Variants in POLR3E observed in about 807,000 individuals in gnomAD.
POLR3E encodes the protein DNA-directed RNA polymerase III subunit RPC5.
A neutral mutation model predicts 96.6 loss-of-function variants in POLR3E; 41 were observed. That is an observed-to-expected ratio of 0.42 (90% CI 0.33 to 0.55). The LOEUF (loss-of-function observed/expected upper bound fraction) is 0.55. Ranked by LOEUF, POLR3E falls within the 20% of genes least tolerant of loss-of-function variation. The pLI is 0.06. For missense variants in POLR3E, 849 were observed against 952.1 expected (o/e 0.89, Z 1.43); for synonymous variants, 396 against 383.6 (o/e 1.03, Z -0.38).
chr16:22,312,472 C>T (rs2048266211), intron 6 of POLR3E, among the ~76,000 whole-genome samples: 1 of 152,034 alleles, frequency 6.6e-6, no homozygotes, highest in Non-Finnish European at 1.5e-5. Flanking sequence ...ATATCCTGGG[C>T]AACAGAGTGA....
chr16:22,317,236 G>C (rs756701104), intron 12 of POLR3E, 30 bp downstream of exon 12: 4 of 1,552,776 alleles, frequency 2.6e-6, no homozygotes, highest in Non-Finnish European at 3.5e-6. Flanking sequence ...CCACCCGGGG[G>C]CCCCAGTCCC....
At chr16:22,307,391 C>T (rs1164332209) in intron 3 of POLR3E, among the ~76,000 whole-genome samples, 1 of 152,132 alleles carries the variant, frequency 6.6e-6, no homozygotes, top group Non-Finnish European at 1.5e-5. Context: ...TCTGAAAGGG[C>T]CTATTTTCCG....
At chr16:22,316,517 T>A in intron 9 of POLR3E, 84 bp from the exon 10 acceptor site, 1 of 999,914 alleles carries the variant, frequency 1.0e-6, no homozygotes, top group Non-Finnish European at 1.6e-6. Flanking sequence ...GGCCATGGAG[T>A]GGAAGACGGG....
rs1383953030 is a variant in POLR3E, at chr16:22,318,872, C to T, written c.912C>T (p.Ser304=). The change falls in exon 13 of 21, where the codon TCC becomes TCT. Residue 304 remains serine (S), a synonymous_variant. Coordinates refer to ENST00000299853, the MANE Select transcript of POLR3E (RefSeq NM_018119.4). This position sits in a 1 kb window ranked among gnomAD's most constrained non-coding sequence, Gnocchi z 5.0. ...FANLMSLLGP[S]IDSVAVLRGI... ...ACTTGATGAGCCTCCTGGGCCCCTC[C>T]ATCGATTCCGTGGCTGTTCTGCGGG... 1 of 1,613,736 alleles carries T rather than the reference C, an allele frequency of 6.2e-7. No individual in the cohort carries two copies. The highest frequency in any genetic ancestry group is 1.1e-5 in the South Asian group (1 of 91,048).
At position 22,307,027 on chromosome 16, in the gene POLR3E, G is replaced by C. The variant is rs117574417; in HGVS notation, c.88-1121G>C. ...CCTGCTCACCCTGTTTCCTTGACTG[G>C]CTGCAAAGTGATGGTGGAGGTGCCA... On this transcript the variant is annotated intron_variant, in intron 3 of 20. Transcript: ENST00000299853. Among the ~76,000 whole-genome samples the C allele has an allele frequency of 9.7e-3, 1,473 of 152,316 alleles. 24 individuals carry two copies. Among genetic ancestry groups the C allele is most frequent in the South Asian group, 0.05 (243 of 4,832 alleles).
chr16:22,303,815 T>G (rs980907053), intron 2 of POLR3E, among the ~76,000 whole-genome samples: 1 of 145,896 alleles, frequency 6.9e-6, no homozygotes, highest in African/African-American at 2.6e-5. Context: ...TAATTTTTTT[T>G]TTTTTTTTTT....
At chr16:22,307,317 A>G (rs2048153655) in intron 3 of POLR3E, among the ~76,000 whole-genome samples, 1 of 152,144 alleles carries the variant, frequency 6.6e-6, no homozygotes. Context: ...GGGAGGAGTC[A>G]CGGCTTTGCT....
chr16:22,326,206 C>G lies in POLR3E; in HGVS notation c.1794C>G (p.Leu598=), dbSNP rs1254267044. The G allele has an allele frequency of 1.9e-6, 3 of 1,613,936 alleles. No individual in the cohort carries two copies. In the South Asian group the frequency reaches 3.3e-5, roughly 18 times the overall value. Reference sequence around the variant, plus strand: ...CCAGCCTGCCCCCCGGCCACACACTCTTCAGCGGCATCTCGGACCGCATGC... The same window carrying G: ...CCAGCCTGCCCCCCGGCCACACACTGTTCAGCGGCATCTCGGACCGCATGC... ...HLASLPPGHT[L]FSGISDRMLQ... is the part of the protein sequence containing the mutation. The change falls in exon 18 of 21, where the codon CTC becomes CTG. Residue 598 remains leucine (L), a synonymous_variant. Coordinates refer to ENST00000299853, the MANE Select transcript of POLR3E (RefSeq NM_018119.4).
rs2048177832 is a variant in POLR3E at position 22,308,384 on chromosome 16, C to T, written c.165+159C>T. ...TGAAGAAGGAAAGTGTCCAGAAAGA[C>T]AGGGATGGGCAGCTCCAGAGAGGCC... On this transcript the variant is annotated intron_variant, in intron 4 of 20. Coordinates refer to ENST00000299853, the MANE Select transcript of POLR3E (RefSeq NM_018119.4). 6.2e-6 allele frequency: 4 copies of T among 642,116 alleles called. No individual in the cohort carries two copies. In the Admixed American group the frequency reaches 6.8e-5, roughly 11 times the overall value. The allele number at this position is 642,116 out of a possible 1,614,324, so 39.8% of individuals were successfully genotyped here. A position where few individuals can be genotyped will look rare whatever the true frequency, so the allele number is the denominator to read the frequency against.
At chr16:22,303,807 A>ATTTT (rs56737281) in intron 2 of POLR3E, among the ~76,000 whole-genome samples, 1 of 110,794 alleles carries the variant, frequency 9.0e-6, no homozygotes, top group African/African-American at 4.3e-5. Context: ...CGCCCGACTA[A>ATTTT]TTTTTTTTTT....
In POLR3E at chr16:22,308,920, T is replaced by C; in HGVS notation, c.166-5T>C. 1 of 1,606,840 alleles carries C rather than the reference T, an allele frequency of 6.2e-7. No homozygotes were observed. Among genetic ancestry groups the C allele is most frequent in the Non-Finnish European group, 8.5e-7 (1 of 1,173,726 alleles). On this transcript the variant is annotated splice_polypyrimidine_tract_variant and splice_region_variant and intron_variant, in intron 4 of 20. Coordinates refer to ENST00000299853, the MANE Select transcript of POLR3E (RefSeq NM_018119.4). Reference sequence around the variant, plus strand: ...ATAGCTGGTGGGGGTGCTTGGTGCCTCCAGGTAGAGCTTGAGATGGCCATC... The same window carrying C: ...ATAGCTGGTGGGGGTGCTTGGTGCCCCCAGGTAGAGCTTGAGATGGCCATC...
At chr16:22,326,794 A>G (rs1343437719) in intron 18 of POLR3E, 1 of 171,806 alleles carries the variant, frequency 5.8e-6, no homozygotes, top group Non-Finnish European at 1.2e-5. Context: ...CTGCTCAGCT[A>G]AGATGAGCTG....
rs2048483880 is a variant in POLR3E, at chr16:22,322,171, A to T, written c.987-679A>T. Among the ~76,000 whole-genome samples, 1 of 152,122 alleles carries T rather than the reference A, an allele frequency of 6.6e-6. No homozygotes were observed. The highest frequency in any genetic ancestry group is 2.4e-5 in the African/African-American group (1 of 41,412). ...TGAGTGACAGTTGGTTGCCAGGTGG[A>T]CCTGAGCAGGGGGAGGAGGAGGGCT... On this transcript the variant is annotated intron_variant, in intron 13 of 20. Coordinates refer to ENST00000299853, the MANE Select transcript of POLR3E (RefSeq NM_018119.4). The surrounding 1 kb of genome is among the most constrained non-coding windows in gnomAD (Gnocchi z 5.2).
At chr16:22,298,824 T>C in intron 1 of POLR3E, 1 of 364,758 alleles carries the variant, frequency 2.7e-6, no homozygotes, top group Non-Finnish European at 5.5e-6. Context: ...CTTTGTACTA[T>C]ATTGAGTGTC....
At chr16:22,310,488 C>T (rs929409414) in intron 6 of POLR3E, among the ~76,000 whole-genome samples, 4 of 151,964 alleles carry the variant, frequency 2.6e-5, no homozygotes, top group African/African-American at 7.3e-5. Flanking sequence ...GATTCTGCCA[C>T]GTTGGCCAGG....
chr16:22,302,779 G>T, intron 1 of POLR3E, 152 bp from the exon 2 acceptor site: 1 of 687,958 alleles, frequency 1.5e-6, no homozygotes, highest in South Asian at 1.7e-5. Context: ...TATAGGGTTG[G>T]TCATCCATTG....
chr16:22,318,951 GTTGCTTTTTTTATTTTTT>G lies in POLR3E; in HGVS notation c.986+6_986+23del. The stretch of plus-strand genomic sequence containing the variant: ...AGGGAACTGGGTGGTGAAGAGGTAA[GTTGCTTTTTTTATTTTTT>G]ATTTTTATTTATTTTTTTCCTTGAG... On this transcript the variant is annotated splice_donor_region_variant and intron_variant, in intron 13 of 20. Transcript: ENST00000299853. This position sits in a 1 kb window ranked among gnomAD's most constrained non-coding sequence, Gnocchi z 5.0. 1 of 1,578,166 alleles carries G rather than the reference GTTGCTTTTTTTATTTTTT, an allele frequency of 6.3e-7. No homozygotes were observed. The highest frequency in any genetic ancestry group is 1.2e-5 in the South Asian group (1 of 83,840).
intron 2 of POLR3E, 122 bp downstream of exon 2, chr16:22,303,126 C>G: frequency 2.2e-6 from 2 of 919,046 alleles, no homozygotes; most frequent in South Asian, 1.3e-5. Flanking sequence ...CCTTGCTGTT[C>G]CCTCTGCCTG....
intron 2 of POLR3E, 36 bp downstream of exon 2, chr16:22,303,040 A>G (rs765154969): frequency 2.5e-6 from 4 of 1,601,048 alleles, no homozygotes; most frequent in African/African-American, 1.3e-5. Context: ...CGCCGGGGCT[A>G]CAGGCAGTGG....
Sources: gnomAD v4.1 joint callset for allele counts (sites outside exome capture counted in the v4.1 genomes callset) on GRCh38, gnomAD v4.1.1 for gene constraint, Gnocchi (gnomAD v3.1) non-coding constraint, MANE v1.5 for transcripts, NCBI Gene and HGNC (gene_info 2026-07-23, HGNC 2026-07-21) for gene names.